DENND1A: variants seen among roughly 807,000 people sequenced by gnomAD.
DENND1A encodes DENN domain-containing protein 1A.
Under a neutral mutation model 113.7 loss-of-function variants are expected in DENND1A, and 51 were observed. The ratio of observed to expected loss-of-function variants is 0.45; its 90% CI spans 0.36 to 0.57. The LOEUF is 0.57. Among genes scored for constraint, DENND1A ranks in the 20% least tolerant of loss-of-function variants. The pLI is 0.00. For synonymous variants in DENND1A, 565 were observed against 570.8 expected, an observed-to-expected ratio of 0.99 and a Z score of 0.14; for missense variants, 1,258 against 1,395.9, an observed-to-expected ratio of 0.90 and a Z score of 1.57.
intron 10 of DENND1A, among the ~76,000 whole-genome samples, chr9:123,629,183 A>C (rs1372338702): frequency 2.0e-5 from 3 of 152,116 alleles, no homozygotes; most frequent in Admixed American, 1.3e-4. Flanking sequence ...GGACTCAATC[A>C]CTCCGAACCA....
At chr9:123,535,464 T>C (rs1156426812) in intron 13 of DENND1A, among the ~76,000 whole-genome samples, 1 of 151,388 alleles carries the variant, frequency 6.6e-6, no homozygotes, top group African/African-American at 2.4e-5. Flanking sequence ...CCCCAACGAT[T>C]GAAACTCTCT....
chr9:123,553,914 C>T (rs1410603009), intron 13 of DENND1A, among the ~76,000 whole-genome samples: 2 of 152,166 alleles, frequency 1.3e-5, no homozygotes, highest in Non-Finnish European at 2.9e-5. Flanking sequence ...CGTGCCACCA[C>T]GCCCAACTAA....
At chr9:123,427,465 C>T (rs981895506) in intron 19 of DENND1A, among the ~76,000 whole-genome samples, 1 of 152,344 alleles carries the variant, frequency 6.6e-6, no homozygotes, top group South Asian at 2.1e-4. Context: ...CATCTCTACA[C>T]CCTGCCTCCT....
At chr9:123,411,748 G>A in intron 20 of DENND1A, 28 bp downstream of exon 20, 1 of 985,786 alleles carries the variant, frequency 1.0e-6, no homozygotes. Flanking sequence ...AGTGTTAGGT[G>A]GGGAGGGCAG....
At chr9:123,546,732 C>A (rs1281682046) in intron 13 of DENND1A, among the ~76,000 whole-genome samples, 2 of 152,162 alleles carry the variant, frequency 1.3e-5, no homozygotes, top group Non-Finnish European at 2.9e-5. Context: ...GTGTATAAAA[C>A]ATGGCCCCAT....
intron 9 of DENND1A, among the ~76,000 whole-genome samples, chr9:123,635,995 T>C (rs1419176570): frequency 1.3e-5 from 2 of 152,222 alleles, no homozygotes; most frequent in African/African-American, 2.4e-5. Context: ...TCTAGAGGAA[T>C]TGCTATCCTT....
intron 21 of DENND1A, among the ~76,000 whole-genome samples, chr9:123,392,556 T>A (rs1450101485): frequency 6.6e-6 from 1 of 152,188 alleles, no homozygotes; most frequent in Non-Finnish European, 1.5e-5. Flanking sequence ...GGCTAGGTCC[T>A]GCCTGTCCGG....
intron 13 of DENND1A, among the ~76,000 whole-genome samples, chr9:123,482,584 G>A (rs2050434115): frequency 6.6e-6 from 1 of 152,292 alleles, no homozygotes; most frequent in East Asian, 1.9e-4. Flanking sequence ...TCAGTGAGTA[G>A]TTGTTGAGAG....
At chr9:123,763,574 T>C (rs2071221946) in intron 4 of DENND1A, among the ~76,000 whole-genome samples, 1 of 152,052 alleles carries the variant, frequency 6.6e-6, no homozygotes, top group East Asian at 1.9e-4. Flanking sequence ...AATTTGGAAG[T>C]CATCTACAAA....
Position 123,609,417 on chromosome 9 carries a change from A to G in DENND1A, c.765+19T>C. ...AAGCCCCAGGTAGAGCCATCTGGGG[A>G]GGAAAGAAGCCAACTTACCTCCATT... On this transcript the variant is annotated intron_variant, in intron 11 of 23. Coordinates refer to ENST00000394215, the MANE Select transcript of DENND1A (RefSeq NM_001352964.2). 1 of 1,613,318 alleles carries G rather than the reference A, an allele frequency of 6.2e-7. No homozygotes were observed. Among genetic ancestry groups the G allele is most frequent in the Non-Finnish European group, 8.5e-7 (1 of 1,179,488 alleles).
chr9:123,541,390 A>T (rs1306003855), intron 13 of DENND1A, among the ~76,000 whole-genome samples: 2 of 152,160 alleles, frequency 1.3e-5, no homozygotes, highest in Non-Finnish European at 2.9e-5. Context: ...AAACTAATCA[A>T]CCCGGGATAA....
At chr9:123,657,045 C>G (rs1342660317) in intron 8 of DENND1A, among the ~76,000 whole-genome samples, 2 of 152,242 alleles carry the variant, frequency 1.3e-5, no homozygotes, top group Admixed American at 6.5e-5. Context: ...AGCTATCCCC[C>G]ACCCAGGCTG....
At chr9:123,877,816 C>A (rs535373142) in intron 2 of DENND1A, among the ~76,000 whole-genome samples, 8 of 152,068 alleles carry the variant, frequency 5.3e-5, no homozygotes, top group African/African-American at 1.4e-4. Context: ...GAGAGCAATT[C>A]CATCTCATGA....
At chr9:123,503,559 C>T (rs1365164325) in intron 13 of DENND1A, among the ~76,000 whole-genome samples, 1 of 152,212 alleles carries the variant, frequency 6.6e-6, no homozygotes, top group African/African-American at 2.4e-5. Context: ...TCATCGGACT[C>T]ACGTAAAACT....
At chr9:123,446,158 G>A (rs1398146316) in intron 18 of DENND1A, among the ~76,000 whole-genome samples, 3 of 152,230 alleles carry the variant, frequency 2.0e-5, no homozygotes, top group African/African-American at 7.2e-5. Context: ...ATGGGCAGAG[G>A]CCTTCCCGTC....
intron 1 of DENND1A, among the ~76,000 whole-genome samples, chr9:123,905,883 C>T (rs1852719728): frequency 6.6e-6 from 1 of 151,170 alleles, no homozygotes; most frequent in African/African-American, 2.4e-5. Flanking sequence ...GAACTCTCCA[C>T]CCCAAATCAA....
At chr9:123,602,816 T>C (rs914782232) in intron 11 of DENND1A, among the ~76,000 whole-genome samples, 5 of 152,258 alleles carry the variant, frequency 3.3e-5, no homozygotes, top group African/African-American at 1.2e-4. Context: ...ACTATAGCTG[T>C]GTGTCACCAC....
At chr9:123,635,602 C>T (rs565131098) in intron 9 of DENND1A, among the ~76,000 whole-genome samples, 4 of 152,290 alleles carry the variant, frequency 2.6e-5, no homozygotes, top group Non-Finnish European at 4.4e-5. Context: ...CCAAATGTCT[C>T]GGACAAAATA....
intron 2 of DENND1A, among the ~76,000 whole-genome samples, chr9:123,794,678 T>C (rs560199693): frequency 2.6e-5 from 4 of 152,222 alleles, no homozygotes; most frequent in Non-Finnish European, 5.9e-5. Context: ...CTTCAATTTT[T>C]AAAAATACCA....
Sources: gnomAD v4.1 joint callset for allele counts (sites outside exome capture counted in the v4.1 genomes callset) on GRCh38, gnomAD v4.1.1 for gene constraint, MANE v1.5 for transcripts, NCBI Gene and HGNC (gene_info 2026-07-23, HGNC 2026-07-21) for gene names.